The following SLC17A8 variants were observed in gnomAD, a reference collection of about 807,000 sequenced individuals.
SLC17A8 encodes the protein vesicular glutamate transporter 3.
A neutral mutation model predicts 58.0 loss-of-function variants in SLC17A8; 31 were observed. The observed-to-expected ratio is 0.53, with a 90% confidence interval of 0.40 to 0.72. The LOEUF is 0.72. Ranked by LOEUF, SLC17A8 falls within the 30% of genes least tolerant of loss-of-function variation. The probability of loss-of-function intolerance (pLI) is 0.00; values close to 1 mark genes in which losing one functional copy is unlikely to be tolerated. For synonymous variants in SLC17A8, 228 were observed against 249.0 expected (o/e 0.92, Z 0.79); for missense variants, 655 against 727.8 (o/e 0.90, Z 1.15).
chr12:100,402,869 T>C, intron 8 of SLC17A8, 124 bp downstream of exon 8: 2 of 979,550 alleles, frequency 2.0e-6, no homozygotes, highest in Non-Finnish European at 3.0e-6. Context: ...TGACACCTAA[T>C]AGCCTGGCTG....
In SLC17A8 at chr12:100,365,426, T is replaced by A. The variant is rs1213892651; in HGVS notation, c.101+7934T>A. Among the ~76,000 whole-genome samples the A allele has an allele frequency of 4.6e-5, 7 of 152,298 alleles. No individual in the cohort carries two copies. The East Asian group carries it at 1.3e-3, about 29-fold the overall frequency. ...AAGGGTATGCTGGAGAATACAGCCC[T>A]AGTGGCAAGATCACCCTTATTGCAG... is the stretch of plus-strand genomic sequence containing the variant. On this transcript the variant is annotated intron_variant, in intron 1 of 11. Coordinates refer to ENST00000323346, the MANE Select transcript of SLC17A8 (RefSeq NM_139319.3).
At chr12:100,412,611 A>C (rs1593007337) in intron 9 of SLC17A8, among the ~76,000 whole-genome samples, 159 bp from the exon 10 acceptor site, 2 of 150,956 alleles carry the variant, frequency 1.3e-5, no homozygotes, top group African/African-American at 4.9e-5. Flanking sequence ...AAAAAAAAAA[A>C]CTTAAATTCC....
intron 1 of SLC17A8, among the ~76,000 whole-genome samples, chr12:100,375,528 G>A (rs1181110740): frequency 2.0e-5 from 3 of 152,182 alleles, no homozygotes; most frequent in Non-Finnish European, 2.9e-5. Flanking sequence ...TCAGTTCTTG[G>A]CAGAATAACA....
At chr12:100,376,682 G>A (rs1034906230) in intron 1 of SLC17A8, among the ~76,000 whole-genome samples, 11 of 152,190 alleles carry the variant, frequency 7.2e-5, no homozygotes, top group Non-Finnish European at 1.5e-5. Context: ...CTGTAGAGGA[G>A]GGCAGAGGGA....
chr12:100,384,820 G>T (rs1394593198), intron 2 of SLC17A8, among the ~76,000 whole-genome samples: 1 of 152,258 alleles, frequency 6.6e-6, no homozygotes, highest in East Asian at 1.9e-4. Context: ...GCTTTCCCTC[G>T]TGGGAACTAG....
chr12:100,382,276 A>C (rs1952643224), intron 2 of SLC17A8, among the ~76,000 whole-genome samples: 1 of 152,214 alleles, frequency 6.6e-6, no homozygotes, highest in African/African-American at 2.4e-5. Flanking sequence ...AGATTGAGGT[A>C]AGATAGGAAT....
At chr12:100,418,406 T>C (rs750837033) in intron 11 of SLC17A8, among the ~76,000 whole-genome samples, 10 of 152,172 alleles carry the variant, frequency 6.6e-5, no homozygotes, top group Non-Finnish European at 1.3e-4. Flanking sequence ...GGAGAGGGGA[T>C]GGGCCATAGA....
At chr12:100,360,470 T>A (rs905463234) in intron 1 of SLC17A8, among the ~76,000 whole-genome samples, 3 of 152,204 alleles carry the variant, frequency 2.0e-5, no homozygotes, top group Non-Finnish European at 4.4e-5. Flanking sequence ...GGTCTCACTC[T>A]GTTGCCTAGG....
chr12:100,359,503 G>A (rs1182523302), intron 1 of SLC17A8, among the ~76,000 whole-genome samples: 1 of 152,188 alleles, frequency 6.6e-6, no homozygotes, highest in Non-Finnish European at 1.5e-5. Flanking sequence ...TAGAAAAACA[G>A]CTAGCACAGT....
chr12:100,378,171 G>T (rs1362662242), intron 1 of SLC17A8, among the ~76,000 whole-genome samples: 2 of 152,110 alleles, frequency 1.3e-5, no homozygotes, highest in African/African-American at 4.8e-5. Flanking sequence ...GCATTCTAGT[G>T]TATATAGGTT....
chr12:100,419,692 G>A, intron 11 of SLC17A8, 123 bp from the exon 12 acceptor site: 2 of 898,268 alleles, frequency 2.2e-6, no homozygotes, highest in Non-Finnish European at 3.5e-6. Context: ...TCCCGCCCAA[G>A]GAGCCTCTAG....
In SLC17A8 at chr12:100,371,133, T is replaced by G. The variant is rs376876785; in HGVS notation, c.102-9568T>G. Among the ~76,000 whole-genome samples, 20 of 152,318 alleles carry G rather than the reference T, an allele frequency of 1.3e-4. No individual in the cohort carries two copies. The East Asian group carries it at 3.5e-3, about 26-fold the overall frequency. On this transcript the variant is annotated intron_variant, in intron 1 of 11. Transcript: ENST00000323346. ...GATCGTATTTTAAATTCTCCTTCCT[T>G]TCTTTAAAATTTACCATTTATTGAT... is the stretch of plus-strand genomic sequence containing the variant.
chr12:100,377,568 G>GATATATATAT lies in SLC17A8; in HGVS notation c.102-3124_102-3115dup, dbSNP rs1203225174. On this transcript the variant is annotated intron_variant, in intron 1 of 11. Coordinates refer to ENST00000323346, the MANE Select transcript of SLC17A8 (RefSeq NM_139319.3). The stretch of plus-strand genomic sequence containing the variant: ...AGTGAGGCATCCAAGATGGCTTCAA[G>GATATATATAT]ATATATATATATATATATTTTTTTT... Among the ~76,000 whole-genome samples the GATATATATAT allele has an allele frequency of 3.3e-4, 40 of 121,300 alleles. 1 individual carries two copies. The highest frequency in any genetic ancestry group is 1.5e-3 in the African/African-American group (39 of 26,416). The allele number at this position is 121,300 out of a possible 152,430, so 79.6% of individuals were successfully genotyped here. A position where few individuals can be genotyped will look rare whatever the true frequency, so the allele number is the denominator to read the frequency against.
chr12:100,374,222 G>T (rs993691470), intron 1 of SLC17A8, among the ~76,000 whole-genome samples: 1 of 152,202 alleles, frequency 6.6e-6, no homozygotes, highest in Non-Finnish European at 1.5e-5. Flanking sequence ...CTGCCCAGAA[G>T]CCTGGTGTGT....
intron 1 of SLC17A8, among the ~76,000 whole-genome samples, chr12:100,379,590 T>TA (rs201052183): frequency 0.011 from 1,612 of 152,312 alleles, 27 homozygotes; most frequent in African/African-American, 0.037. Flanking sequence ...TAATTATTTT[T>TA]AAAAAGACTT....
In SLC17A8 at chr12:100,388,748, T is replaced by G. The variant is rs143962373; in HGVS notation, c.355-2253T>G. 1.4e-3 allele frequency among the ~76,000 whole-genome samples: 209 copies of G among 152,306 alleles called. 1 individual carries two copies. The East Asian group carries it at 0.017, about 13-fold the overall frequency. Reference sequence around the variant, plus strand: ...TGATGAAAATTTATAAAACATAGTATGTTGATAATTAGGAACCCTCTTACT... The same window carrying G: ...TGATGAAAATTTATAAAACATAGTAGGTTGATAATTAGGAACCCTCTTACT... On this transcript the variant is annotated intron_variant, in intron 2 of 11. Coordinates refer to ENST00000323346, the MANE Select transcript of SLC17A8 (RefSeq NM_139319.3).
chr12:100,363,512 AC>A (rs1467522965), intron 1 of SLC17A8, among the ~76,000 whole-genome samples: 3 of 152,016 alleles, frequency 2.0e-5, no homozygotes, highest in Non-Finnish European at 4.4e-5. Context: ...GATTACGGGC[AC>A]CCACCACCAT....
Position 100,384,943 on chromosome 12 carries a change from C to T in SLC17A8, c.354+3990C>T, listed in dbSNP as rs578189056. Among the ~76,000 whole-genome samples, 350 of 152,266 alleles carry T rather than the reference C, an allele frequency of 2.3e-3. 1 individual carries two copies. The highest frequency in any genetic ancestry group is 8.1e-3 in the African/African-American group (337 of 41,562). On this transcript the variant is annotated intron_variant, in intron 2 of 11. Coordinates refer to ENST00000323346, the MANE Select transcript of SLC17A8 (RefSeq NM_139319.3). Reference sequence around the variant, plus strand: ...TTCATGGACTGCTTTCTTTCCTCTTCCCTGGCTTCTCACTGCCCTCCACAG... The same window carrying T: ...TTCATGGACTGCTTTCTTTCCTCTTTCCTGGCTTCTCACTGCCCTCCACAG...
chr12:100,379,815 C>G (rs1182010306), intron 1 of SLC17A8, among the ~76,000 whole-genome samples: 1 of 151,756 alleles, frequency 6.6e-6, no homozygotes, highest in Admixed American at 6.6e-5. Context: ...CTTAGAGGAA[C>G]CATCTAAGGA....
Sources: allele counts gnomAD v4.1 joint callset (sites outside exome capture counted in the v4.1 genomes callset), GRCh38; gene constraint gnomAD v4.1.1; transcripts MANE v1.5; gene names NCBI Gene and HGNC (gene_info 2026-07-23, HGNC 2026-07-21).